The following ATF7 variants were observed in gnomAD, a reference collection of about 807,000 sequenced individuals.
ATF7 encodes the protein cyclic AMP-dependent transcription factor ATF-7.
Under a neutral mutation model 50.4 loss-of-function variants are expected in ATF7, and 10 were observed. That is an observed-to-expected ratio of 0.20 (90% confidence interval 0.12 to 0.34). The LOEUF is 0.34. ATF7 is among the 10% of genes least tolerant of loss of function. The pLI, the probability that ATF7 is intolerant of heterozygous loss-of-function variation, is 1.00. For synonymous variants in ATF7, 201 were observed against 226.4 expected, an observed-to-expected ratio of 0.89 and a Z score of 1.01; for missense variants, 465 against 613.9, an observed-to-expected ratio of 0.76 and a Z score of 2.56.
At chr12:53,527,184 T>C (rs1185121881) in intron 9 of ATF7, among the ~76,000 whole-genome samples, 1 of 149,040 alleles carries the variant, frequency 6.7e-6, no homozygotes, top group East Asian at 2.0e-4. Context: ...AATAAAAAAA[T>C]TAAAAAGTTA....
intron 3 of ATF7, among the ~76,000 whole-genome samples, chr12:53,548,984 C>T (rs1206952932): frequency 1.3e-5 from 2 of 151,882 alleles, no homozygotes; most frequent in South Asian, 4.2e-4. Context: ...GTCTCTGTCT[C>T]CAAAAAATAC....
chr12:53,622,525 G>A (rs1944429040), intron 1 of ATF7, among the ~76,000 whole-genome samples: 1 of 152,030 alleles, frequency 6.6e-6, no homozygotes, highest in Non-Finnish European at 1.5e-5. Context: ...GGAGGTTGAG[G>A]CAGGAGAATG....
chr12:53,534,627 G>T lies in ATF7; in HGVS notation c.435C>A (p.Thr145=). 6.2e-7 allele frequency: 1 copy of T among 1,612,910 alleles called. No individual in the cohort carries two copies. The highest frequency in any genetic ancestry group is 2.2e-5 in the East Asian group (1 of 44,870). ...EVTPKPVLIS[T]PTPTIVRPGS... ...CAGGACGTACAATGGTGGGTGTGGG[G>T]GTAGAGATCAGAACAGGCTTTGGGG... Residue 145 remains threonine (T), a synonymous_variant, in exon 6 of 12, where the codon ACC becomes ACA. Transcript: ENST00000420353.
downstream of ATF7, among the ~76,000 whole-genome samples, chr12:53,508,452 C>A (rs1459939882): frequency 1.3e-5 from 2 of 149,952 alleles, no homozygotes; most frequent in East Asian, 4.0e-4. Context: ...CCCAGCTACT[C>A]AGGAGGCTGA....
intron 2 of ATF7, among the ~76,000 whole-genome samples, chr12:53,554,870 GAAAA>G (rs61675595): frequency 2.6e-5 from 2 of 76,046 alleles, no homozygotes; most frequent in African/African-American, 9.8e-5. Flanking sequence ...CTCAAAAAAA[GAAAA>G]AAAAAAAAAA....
At position 53,532,500 on chromosome 12, in the gene ATF7, A is replaced by C. The variant is rs1171875203; in HGVS notation, c.774+10T>G. 8 of 1,566,298 alleles carry C rather than the reference A, an allele frequency of 5.1e-6. No homozygotes were observed. The East Asian group carries it at 1.8e-4, about 36-fold the overall frequency. On this transcript the variant is annotated intron_variant, in intron 8 of 11. Transcript: ENST00000420353. ...AAGGCCAACATTGCCCCAGACTGGG[A>C]TGTACTCACCATCTTGGCTTCTGAT...
At chr12:53,612,223 G>C (rs552125312) in intron 1 of ATF7, among the ~76,000 whole-genome samples, 67 of 152,054 alleles carry the variant, frequency 4.4e-4, no homozygotes, top group African/African-American at 1.6e-3. Flanking sequence ...TGATCCTCCT[G>C]CCTTGACCTC....
chr12:53,550,330 A>AT (rs773414241), intron 3 of ATF7, among the ~76,000 whole-genome samples: 37,001 of 130,766 alleles, frequency 0.28, 6,238 homozygotes, highest in Non-Finnish European at 0.4. Context: ...TCTCAAAAAA[A>AT]AAAATAAATA....
chr12:53,524,614 A>T lies in ATF7; in HGVS notation c.1075T>A (p.Ser359Thr), dbSNP rs375648683. The T allele has an allele frequency of 1.2e-6, 2 of 1,613,988 alleles. No individual in the cohort carries two copies. Among genetic ancestry groups the T allele is most frequent in the Non-Finnish European group, 1.7e-6 (2 of 1,179,904 alleles). Residue 359 changes from serine to threonine, a missense_variant, in exon 10 of 12, where the codon TCC becomes ACC. Physicochemically the swap from Ser to Thr is moderately conservative, Grantham distance 58. Coordinates refer to ENST00000420353, the MANE Select transcript of ATF7 (RefSeq NM_006856.3). This position sits in a 1 kb window ranked among gnomAD's most constrained non-coding sequence, Gnocchi z 4.6. ...CRQKRKLWVS[S>T]LEKKAEELTS... The stretch of plus-strand genomic sequence containing the variant: ...AGTTCTTCGGCCTTCTTCTCTAGGG[A>T]GGACACCCACAGCTTTCGCTTTTGG...
At chr12:53,560,190 G>A (rs1941020524) in intron 2 of ATF7, among the ~76,000 whole-genome samples, 1 of 151,922 alleles carries the variant, frequency 6.6e-6, no homozygotes, top group Admixed American at 6.6e-5. Context: ...CTAAAGTGCT[G>A]GGATTACAGG....
chr12:53,532,611 C>G lies in ATF7; in HGVS notation c.673G>C (p.Val225Leu). Residue 225 changes from valine (V) to leucine (L), a missense_variant, in exon 8 of 12, where the codon GTG (valine) becomes CTG (leucine). Physicochemically the swap from Val to Leu is conservative, Grantham distance 32. Transcript: ENST00000420353. ...CCAGGAATGTTGGGCACCATGGACACAGGTCTGGCCAGCTGGATCGAGAGA... is the reference window on the plus strand; with the variant it reads ...CCAGGAATGTTGGGCACCATGGACAGAGGTCTGGCCAGCTGGATCGAGAGA... ...MPSVISLARP[V>L]SMVPNIPGIP... 6.3e-7 allele frequency: 1 copy of G among 1,598,780 alleles called. No individual in the cohort carries two copies. The highest frequency in any genetic ancestry group is 1.1e-5 in the South Asian group (1 of 88,804).
chr12:53,554,544 C>T (rs944495715), intron 2 of ATF7, among the ~76,000 whole-genome samples: 1 of 151,936 alleles, frequency 6.6e-6, no homozygotes, highest in South Asian at 2.1e-4. Flanking sequence ...GCCATGATTA[C>T]ACCACTGTAC....
chr12:53,545,959 G>A (rs1163915384), intron 3 of ATF7, among the ~76,000 whole-genome samples: 5 of 152,072 alleles, frequency 3.3e-5, no homozygotes, highest in African/African-American at 7.2e-5. Flanking sequence ...ATGGGAGGCC[G>A]AGGCAAGTGG....
chr12:53,616,578 A>G (rs1944127025), intron 1 of ATF7, among the ~76,000 whole-genome samples: 1 of 152,192 alleles, frequency 6.6e-6, no homozygotes, highest in South Asian at 2.1e-4. Context: ...ATTGAAAAGA[A>G]AAAAAGAAAC....
At chr12:53,553,513 T>C (rs1314775753) in intron 2 of ATF7, among the ~76,000 whole-genome samples, 1 of 152,180 alleles carries the variant, frequency 6.6e-6, no homozygotes, top group African/African-American at 2.4e-5. Context: ...CAGTTTATGA[T>C]TAAGTAAAAT....
intron 2 of ATF7, among the ~76,000 whole-genome samples, chr12:53,573,349 G>C (rs1027579297): frequency 6.6e-6 from 1 of 152,144 alleles, no homozygotes; most frequent in Non-Finnish European, 1.5e-5. Context: ...TCAAGTCCCT[G>C]ATATAAAATG....
At position 53,529,738 on chromosome 12, in the gene ATF7, T is replaced by C. The variant is rs867084794; in HGVS notation, c.927+2006A>G. 2.5e-3 allele frequency among the ~76,000 whole-genome samples: 154 copies of C among 60,508 alleles called. 1 individual carries two copies. In the East Asian group the frequency reaches 0.04, roughly 16 times the overall value. 39.7% of individuals were successfully genotyped at this position (60,508 alleles called of 152,430 possible). A position where few individuals can be genotyped will look rare whatever the true frequency, so the allele number is the denominator to read the frequency against. On this transcript the variant is annotated intron_variant, in intron 9 of 11. Transcript: ENST00000420353. Reference sequence around the variant, plus strand: ...ACACACACACACACACACACACATATATATATGTTTTTTTTTTTTTGAGAT... The same window carrying C: ...ACACACACACACACACACACACATACATATATGTTTTTTTTTTTTTGAGAT...
rs113169823 is a variant in ATF7, at chr12:53,554,661, G to A, written c.49-2024C>T. Reference sequence around the variant, plus strand: ...GTGGATCACTTAAGGTAAGGAGTTCGAGGCCAGCATGACCAACATGGCAAA... The same window carrying A: ...GTGGATCACTTAAGGTAAGGAGTTCAAGGCCAGCATGACCAACATGGCAAA... On this transcript the variant is annotated intron_variant, in intron 2 of 11. Transcript: ENST00000420353. Among the ~76,000 whole-genome samples, 153 of 151,230 alleles carry A rather than the reference G, an allele frequency of 1.0e-3. 3 individuals carry two copies. Among genetic ancestry groups the A allele is most frequent in the African/African-American group, 3.5e-3 (144 of 41,298 alleles).
intron 11 of ATF7, among the ~76,000 whole-genome samples, chr12:53,518,354 C>T (rs1474743861): frequency 6.6e-6 from 1 of 152,270 alleles, no homozygotes; most frequent in Non-Finnish European, 1.5e-5. Context: ...GATTATAAAA[C>T]ATTATAAGTT....
Sources: gnomAD v4.1 joint callset for allele counts (sites outside exome capture counted in the v4.1 genomes callset) on GRCh38, gnomAD v4.1.1 for gene constraint, Gnocchi (gnomAD v3.1) non-coding constraint, MANE v1.5 for transcripts, NCBI Gene and HGNC (gene_info 2026-07-23, HGNC 2026-07-21) for gene names.